The following COX7B2 variants were observed in gnomAD, a reference collection of about 807,000 sequenced individuals.
The protein encoded by COX7B2 is cytochrome c oxidase subunit 7B2, mitochondrial.
For synonymous variants in COX7B2, 37 were observed against 32.1 expected (o/e 1.15, Z -0.51); for missense variants, 109 against 95.9 (o/e 1.14, Z -0.57).
At chr4:46,883,964 C>T (rs1718908138) in intron 1 of COX7B2, among the ~76,000 whole-genome samples, 1 of 152,058 alleles carries the variant, frequency 6.6e-6, no homozygotes, top group Non-Finnish European at 1.5e-5. Context: ...ATGACAATTT[C>T]AGTGTTATGC....
intron 2 of COX7B2, among the ~76,000 whole-genome samples, chr4:46,764,003 A>C (rs1716376565): frequency 1.3e-5 from 2 of 152,210 alleles, no homozygotes; most frequent in Admixed American, 6.5e-5. Context: ...TTTGGAATTA[A>C]AAATATGGCT....
intron 1 of COX7B2, among the ~76,000 whole-genome samples, chr4:46,850,512 A>G (rs1489153864): frequency 6.6e-6 from 1 of 152,116 alleles, no homozygotes; most frequent in Non-Finnish European, 1.5e-5. Context: ...TCTCACATAA[A>G]AAATCTCAAT....
Position 46,785,341 on chromosome 4 carries a change from G to A in COX7B2, c.-49-50100C>T, listed in dbSNP as rs535594416. Among the ~76,000 whole-genome samples, 19 of 151,570 alleles carry A rather than the reference G, an allele frequency of 1.3e-4. 1 individual carries two copies. Among genetic ancestry groups the A allele is most frequent in the South Asian group, 6.3e-4 (3 of 4,768 alleles). ...AAACTCTATTGTTGTTGAAAAAATG[G>A]ATGTGAAAGAATTCCACAAAATCTG... is the stretch of plus-strand genomic sequence containing the variant. On this transcript the variant is annotated intron_variant, in intron 2 of 2. Transcript: ENST00000355591.
intron 1 of COX7B2, among the ~76,000 whole-genome samples, chr4:46,889,350 G>A (rs1390178155): frequency 1.3e-5 from 2 of 152,180 alleles, no homozygotes; most frequent in African/African-American, 4.8e-5. Flanking sequence ...CTGTCACAAA[G>A]TAGTCTTAAC....
At chr4:46,900,802 A>G (rs1720034332) in intron 1 of COX7B2, among the ~76,000 whole-genome samples, 1 of 152,172 alleles carries the variant, frequency 6.6e-6, no homozygotes, top group Admixed American at 6.5e-5. Context: ...TGCCCTCACC[A>G]GACACCAAAT....
intron 1 of COX7B2, among the ~76,000 whole-genome samples, chr4:46,907,582 TTTTAA>T (rs1720468489): frequency 6.6e-6 from 1 of 152,136 alleles, no homozygotes; most frequent in Non-Finnish European, 1.5e-5. Flanking sequence ...TCCCATTGCT[TTTTAA>T]TTTAATATCC....
At chr4:46,758,598 G>T (rs1240104528) in intron 2 of COX7B2, among the ~76,000 whole-genome samples, 1 of 152,150 alleles carries the variant, frequency 6.6e-6, no homozygotes, top group Admixed American at 6.6e-5. Context: ...TATATGAATA[G>T]CTGTGAATAA....
intron 2 of COX7B2, among the ~76,000 whole-genome samples, chr4:46,818,169 T>G (rs1459428287): frequency 6.6e-6 from 1 of 152,204 alleles, no homozygotes; most frequent in Non-Finnish European, 1.5e-5. Context: ...AATTCTCAAT[T>G]AATCAATGCC....
intron 1 of COX7B2, chr4:46,904,100 G>A (rs1241224040): frequency 1.3e-5 from 2 of 151,980 alleles, no homozygotes; most frequent in Middle Eastern, 3.2e-3. Flanking sequence ...AATGTACAAA[G>A]GGAAAGAAAT....
Position 46,781,835 on chromosome 4 carries a change from A to G in COX7B2, c.-49-46594T>C, listed in dbSNP as rs555274445. Among the ~76,000 whole-genome samples, 187 of 152,348 alleles carry G rather than the reference A, an allele frequency of 1.2e-3. 1 individual carries two copies. The highest frequency in any genetic ancestry group is 4.3e-3 in the African/African-American group (177 of 41,606). On this transcript the variant is annotated intron_variant, in intron 2 of 2. Transcript: ENST00000355591. ...GCTTAGCACCCAAGCCAGCAGCTGC[A>G]GAGGATGTGCGGGGTCCCTCAGCAT...
chr4:46,896,712 G>A (rs1052593581), intron 1 of COX7B2, among the ~76,000 whole-genome samples: 43 of 151,990 alleles, frequency 2.8e-4, no homozygotes, highest in African/African-American at 1.0e-3. Flanking sequence ...CTCATACACA[G>A]TTTTGGACAA....
chr4:46,767,609 A>T (rs955743379), intron 2 of COX7B2, among the ~76,000 whole-genome samples: 1 of 152,242 alleles, frequency 6.6e-6, no homozygotes, highest in East Asian at 1.9e-4. Flanking sequence ...CTACAAAAAA[A>T]GTCTCAACAA....
chr4:46,816,522 C>A (rs1254512480), intron 2 of COX7B2, among the ~76,000 whole-genome samples: 1 of 152,148 alleles, frequency 6.6e-6, no homozygotes, highest in African/African-American at 2.4e-5. Context: ...GTTATTATAT[C>A]TATTATGATG....
intron 1 of COX7B2, among the ~76,000 whole-genome samples, chr4:46,873,862 A>G (rs1718159878): frequency 6.6e-6 from 1 of 151,708 alleles, no homozygotes; most frequent in African/African-American, 2.4e-5. Context: ...GATGTTCCCC[A>G]CCCTGTGTCC....
At chr4:46,806,879 T>A (rs1276073637) in intron 2 of COX7B2, among the ~76,000 whole-genome samples, 1 of 152,042 alleles carries the variant, frequency 6.6e-6, no homozygotes, top group Non-Finnish European at 1.5e-5. Flanking sequence ...TAATATCCCA[T>A]TGTATTTACA....
At chr4:46,739,343 C>CCAAAACAAAA (rs372769147) in intron 2 of COX7B2, among the ~76,000 whole-genome samples, 17 of 151,410 alleles carry the variant, frequency 1.1e-4, no homozygotes, top group African/African-American at 4.1e-4. Context: ...CCAAACCAAA[C>CCAAAACAAAA]CAAAACAAAA....
intron 2 of COX7B2, among the ~76,000 whole-genome samples, chr4:46,750,466 C>G (rs980682368): frequency 6.6e-6 from 1 of 151,956 alleles, no homozygotes; most frequent in African/African-American, 2.4e-5. Flanking sequence ...ATAATGACAT[C>G]TAGTATCAAG....
chr4:46,800,830 C>T (rs933370269), intron 2 of COX7B2, among the ~76,000 whole-genome samples: 1 of 152,034 alleles, frequency 6.6e-6, no homozygotes, highest in Admixed American at 6.6e-5. Context: ...ACAGACAACT[C>T]ACAGAATGGG....
intron 1 of COX7B2, among the ~76,000 whole-genome samples, chr4:46,873,842 C>T (rs1172797192): frequency 6.6e-6 from 1 of 152,092 alleles, no homozygotes; most frequent in Non-Finnish European, 1.5e-5. Flanking sequence ...CATGACAGGA[C>T]CCGGTGTGTG....
Sources: gnomAD v4.1 joint callset for allele counts (sites outside exome capture counted in the v4.1 genomes callset) on GRCh38, gnomAD v4.1.1 for gene constraint, MANE v1.5 for transcripts, NCBI Gene and HGNC (gene_info 2026-07-23, HGNC 2026-07-21) for gene names.